Variants in RBFOX1 observed in about 807,000 individuals in gnomAD.
The protein encoded by RBFOX1 is RNA binding fox-1 homolog 1.
Under a neutral mutation model 57.7 loss-of-function variants are expected in RBFOX1, and 8 were observed. That is an observed-to-expected ratio of 0.14 (90% confidence interval 0.08 to 0.25). The LOEUF is 0.25. RBFOX1 is among the 10% of genes least tolerant of loss of function. The pLI, the probability that RBFOX1 is intolerant of heterozygous loss-of-function variation, is 1.00. For missense variants in RBFOX1, 611 were observed against 548.5 expected (o/e 1.11, Z -1.14); for synonymous variants, 326 against 222.4 (o/e 1.47, Z -4.15).
chr16:7,132,722 A>C (rs78726204), intron 4 of RBFOX1, among the ~76,000 whole-genome samples: 1 of 152,086 alleles, frequency 6.6e-6, no homozygotes. Context: ...AGCGAAATCA[A>C]CCAGTCACAA....
intron 2 of RBFOX1, among the ~76,000 whole-genome samples, chr16:6,602,618 C>T (rs1235678284): frequency 6.6e-6 from 1 of 152,268 alleles, no homozygotes; most frequent in Non-Finnish European, 1.5e-5. Flanking sequence ...CTTCTCCTGG[C>T]TCCAGTTCCA....
intron 2 of RBFOX1, among the ~76,000 whole-genome samples, chr16:6,352,119 C>A (rs907703200): frequency 3.9e-5 from 6 of 152,058 alleles, no homozygotes; most frequent in African/African-American, 1.5e-4. Context: ...AGAGGTTTCT[C>A]CAGTCACTTT....
At chr16:5,839,103 C>G (rs1345773547) in intron 3 of RBFOX1, among the ~76,000 whole-genome samples, 1 of 152,112 alleles carries the variant, frequency 6.6e-6, no homozygotes, top group Non-Finnish European at 1.5e-5. Context: ...ATTATCTGGT[C>G]CCAAATTTCA....
At chr16:6,819,204 C>G (rs561117495) in intron 3 of RBFOX1, among the ~76,000 whole-genome samples, 1 of 152,110 alleles carries the variant, frequency 6.6e-6, no homozygotes, top group African/African-American at 2.4e-5. Context: ...TGTTTATTTC[C>G]GTATAGAAAT....
intron 4 of RBFOX1, among the ~76,000 whole-genome samples, chr16:5,984,956 ATATATATATATATATATATATT>A (rs1221083061): frequency 2.2e-5 from 1 of 45,102 alleles, no homozygotes; most frequent in Non-Finnish European, 3.8e-5. Flanking sequence ...TTATATATAT[ATATATATATATATATATATATT>A]TTTTTTTTTT....
intron 4 of RBFOX1, among the ~76,000 whole-genome samples, chr16:5,993,572 C>A (rs539359336): frequency 6.6e-6 from 1 of 152,148 alleles, no homozygotes; most frequent in East Asian, 1.9e-4. Flanking sequence ...AAATGTTGGC[C>A]ATTATTCTAT....
At position 6,148,695 on chromosome 16, in the gene RBFOX1, T is replaced by C. The variant is rs141735539; in HGVS notation, c.-127+128703T>C. On this transcript the variant is annotated intron_variant, in intron 1 of 15. Transcript: ENST00000550418. Reference sequence around the variant, plus strand: ...ACACAGTTAGCATGGGAGACCCAGCTAGAAAAAGCTGGAGAGATCCAGAGT... The same window carrying C: ...ACACAGTTAGCATGGGAGACCCAGCCAGAAAAAGCTGGAGAGATCCAGAGT... Among the ~76,000 whole-genome samples the C allele has an allele frequency of 1.8e-3, 275 of 152,326 alleles. 1 individual carries two copies. The highest frequency in any genetic ancestry group is 6.3e-3 in the African/African-American group (263 of 41,578).
intron 3 of RBFOX1, among the ~76,000 whole-genome samples, chr16:6,891,631 T>A (rs940932504): frequency 1.3e-5 from 2 of 152,254 alleles, no homozygotes; most frequent in African/African-American, 4.8e-5. Context: ...GCAGCATTCC[T>A]TTCCTTGCTT....
Position 7,274,184 on chromosome 16 carries a change from C to G in RBFOX1, c.27+222086C>G, listed in dbSNP as rs140974357. ...CTCTGCGTTCTTTCAATGGCAGTCA[C>G]AGCATCAACAAATTATATAAAATTA... On this transcript the variant is annotated intron_variant, in intron 4 of 15. Transcript: ENST00000550418. Among the ~76,000 whole-genome samples, 8 of 152,342 alleles carry G rather than the reference C, an allele frequency of 5.3e-5. No homozygotes were observed. In the East Asian group the frequency reaches 1.3e-3, roughly 26 times the overall value.
chr16:6,456,692 A>G (rs2094782364), intron 2 of RBFOX1, among the ~76,000 whole-genome samples: 1 of 152,164 alleles, frequency 6.6e-6, no homozygotes, highest in African/African-American at 2.4e-5. Flanking sequence ...GCTGATGGGC[A>G]CTTTGGGTGG....
chr16:6,189,859 A>G (rs998337399), intron 1 of RBFOX1, among the ~76,000 whole-genome samples: 24 of 152,140 alleles, frequency 1.6e-4, no homozygotes, highest in African/African-American at 5.8e-4. Flanking sequence ...AAGCTTTTTC[A>G]CTTGATGTGA....
intron 3 of RBFOX1, among the ~76,000 whole-genome samples, chr16:6,727,184 T>C (rs2067427288): frequency 1.3e-5 from 2 of 151,682 alleles, no homozygotes; most frequent in South Asian, 4.2e-4. Flanking sequence ...AAAGAAGAGG[T>C]GAGACTCACT....
rs138579721 is a variant in RBFOX1 at position 6,170,079 on chromosome 16, G to A, written c.-126-146916G>A. Among the ~76,000 whole-genome samples, 400 of 152,186 alleles carry A rather than the reference G, an allele frequency of 2.6e-3. 2 individuals are homozygous for A. Among genetic ancestry groups the A allele is most frequent in the African/African-American group, 9.2e-3 (381 of 41,534 alleles). ...TTATCGACCTATTAAGTTAGGTTGC[G>A]GTTTGTCCACAAGGACTCAAATATA... On this transcript the variant is annotated intron_variant, in intron 1 of 15. Transcript: ENST00000550418.
intron 3 of RBFOX1, among the ~76,000 whole-genome samples, chr16:6,869,772 A>G (rs1486975155): frequency 6.6e-6 from 1 of 152,210 alleles, no homozygotes; most frequent in African/African-American, 2.4e-5. Flanking sequence ...AAACAGCATC[A>G]GCTTGATGTG....
chr16:7,502,221 G>T (rs1029013498), intron 4 of RBFOX1, among the ~76,000 whole-genome samples: 5 of 152,168 alleles, frequency 3.3e-5, no homozygotes, highest in Admixed American at 1.3e-4. Flanking sequence ...TACAAGTGAG[G>T]CGAATGCAAG....
At chr16:6,124,020 C>G (rs905717514) in intron 1 of RBFOX1, among the ~76,000 whole-genome samples, 8 of 152,182 alleles carry the variant, frequency 5.3e-5, no homozygotes, top group African/African-American at 1.9e-4. Flanking sequence ...GGTTCATTCC[C>G]TTCATGGGGG....
chr16:7,191,076 C>G (rs1383659779), intron 4 of RBFOX1, among the ~76,000 whole-genome samples: 1 of 152,074 alleles, frequency 6.6e-6, no homozygotes, highest in Non-Finnish European at 1.5e-5. Context: ...AGTGTGATAT[C>G]ATTAGAACAT....
At chr16:5,281,787 A>G (rs80010518) in intron 1 of RBFOX1, among the ~76,000 whole-genome samples, 4 of 152,070 alleles carry the variant, frequency 2.6e-5, no homozygotes, top group South Asian at 2.1e-4. Flanking sequence ...ATCTTTTTCA[A>G]TCCCTTCACT....
At chr16:7,107,766 C>T (rs2063869251) in intron 4 of RBFOX1, among the ~76,000 whole-genome samples, 1 of 152,108 alleles carries the variant, frequency 6.6e-6, no homozygotes, top group African/African-American at 2.4e-5. Context: ...TAAGCCCACA[C>T]AGAATAAAAG....
Sources: allele counts gnomAD v4.1 joint callset (sites outside exome capture counted in the v4.1 genomes callset), GRCh38; gene constraint gnomAD v4.1.1; transcripts MANE v1.5; gene names NCBI Gene and HGNC (gene_info 2026-07-23, HGNC 2026-07-21).